Variants in B3GALT1 observed in about 807,000 individuals in gnomAD.
The protein encoded by B3GALT1 is UDP-Gal:betaGlcNAc beta 1,3-galactosyltransferase, polypeptide 1.
Under a neutral mutation model 23.2 loss-of-function variants are expected in B3GALT1, and 10 were observed. That is an observed-to-expected ratio of 0.43 (90% CI 0.27 to 0.73). The LOEUF (loss-of-function observed/expected upper bound fraction) is 0.73, where lower values mean the gene tolerates loss of function less well. B3GALT1 is among the 30% of genes least tolerant of loss of function. B3GALT1 has a pLI of 0.21. For synonymous variants in B3GALT1, 156 were observed against 141.5 expected (o/e 1.10, Z -0.73); for missense variants, 299 against 405.4 (o/e 0.74, Z 2.25).
At chr2:167,404,955 T>C (rs1698250329) in intron 1 of B3GALT1, among the ~76,000 whole-genome samples, 1 of 152,212 alleles carries the variant, frequency 6.6e-6, no homozygotes, top group Non-Finnish European at 1.5e-5. Context: ...CTCATTTTGC[T>C]GTTACGAGCA....
chr2:167,636,790 A>G (rs1379163917), intron 2 of B3GALT1, among the ~76,000 whole-genome samples: 1 of 152,076 alleles, frequency 6.6e-6, no homozygotes, highest in Non-Finnish European at 1.5e-5. Context: ...AACAATGAGA[A>G]CACATGGACA....
chr2:167,648,895 C>T (rs977412300), intron 3 of B3GALT1, among the ~76,000 whole-genome samples: 2 of 152,066 alleles, frequency 1.3e-5, no homozygotes, highest in African/African-American at 2.4e-5. Flanking sequence ...TCCATTAACC[C>T]ACTTCCATGC....
At chr2:167,431,927 C>A (rs769139937) in intron 1 of B3GALT1, among the ~76,000 whole-genome samples, 5 of 150,716 alleles carry the variant, frequency 3.3e-5, no homozygotes, top group Admixed American at 6.6e-5. Context: ...AGCCTCAAAA[C>A]TACCACTAAT....
chr2:167,331,749 G>A (rs905386069), intron 1 of B3GALT1, among the ~76,000 whole-genome samples: 1 of 152,156 alleles, frequency 6.6e-6, no homozygotes, highest in African/African-American at 2.4e-5. Context: ...GATTTGCAGG[G>A]ATGGGGTGAG....
chr2:167,765,185 A>G (rs1323414116), intron 3 of B3GALT1, among the ~76,000 whole-genome samples: 1 of 152,154 alleles, frequency 6.6e-6, no homozygotes, highest in Non-Finnish European at 1.5e-5. Context: ...ACTGCCTGAG[A>G]CCGGACTGCC....
chr2:167,536,535 T>C (rs1323803468), intron 2 of B3GALT1, among the ~76,000 whole-genome samples: 1 of 152,214 alleles, frequency 6.6e-6, no homozygotes, highest in Non-Finnish European at 1.5e-5. Flanking sequence ...CTGTAACTTC[T>C]TTCAATCTGT....
chr2:167,687,627 T>C (rs1459305761), intron 3 of B3GALT1, among the ~76,000 whole-genome samples: 1 of 151,990 alleles, frequency 6.6e-6, no homozygotes, highest in African/African-American at 2.4e-5. Flanking sequence ...ATATTAAAAA[T>C]AAAGAACATG....
intron 1 of B3GALT1, among the ~76,000 whole-genome samples, chr2:167,336,116 T>C (rs1697054350): frequency 6.6e-6 from 1 of 152,216 alleles, no homozygotes; most frequent in Admixed American, 6.5e-5. Flanking sequence ...GTGGTGGGGA[T>C]TCCAGAGGGA....
intron 1 of B3GALT1, among the ~76,000 whole-genome samples, chr2:167,294,856 C>G (rs996540066): frequency 6.6e-6 from 1 of 152,114 alleles, no homozygotes; most frequent in Non-Finnish European, 1.5e-5. Context: ...TGTCCCAAAA[C>G]AAAACAAATC....
chr2:167,720,206 G>A (rs866110142), intron 3 of B3GALT1, among the ~76,000 whole-genome samples: 23 of 152,240 alleles, frequency 1.5e-4, no homozygotes, highest in African/African-American at 4.8e-4. Context: ...CATTTTCTAC[G>A]TAGGAATTGG....
At chr2:167,860,636 A>C (rs1252308344) in intron 4 of B3GALT1, among the ~76,000 whole-genome samples, 1 of 152,152 alleles carries the variant, frequency 6.6e-6, no homozygotes, top group Admixed American at 6.5e-5. Flanking sequence ...ATAGTATAAG[A>C]TGTAGTAGTA....
chr2:167,296,587 C>T (rs1026318072), intron 1 of B3GALT1, among the ~76,000 whole-genome samples: 3 of 152,110 alleles, frequency 2.0e-5, no homozygotes, highest in Non-Finnish European at 4.4e-5. Flanking sequence ...CTAATCTATT[C>T]TGAATGATGA....
intron 2 of B3GALT1, among the ~76,000 whole-genome samples, chr2:167,614,780 CAT>C (rs2105434649): frequency 6.6e-6 from 1 of 151,972 alleles, no homozygotes; most frequent in Admixed American, 6.6e-5. Flanking sequence ...ATGTGATAAA[CAT>C]ATTTCAAATA....
In B3GALT1 at chr2:167,869,243, C is replaced by T. The variant is rs376666492; in HGVS notation, c.204C>T (p.Asn68=). 81 of 1,614,054 alleles carry T rather than the reference C, an allele frequency of 5.0e-5. No individual in the cohort carries two copies. The highest frequency in any genetic ancestry group is 6.3e-5 in the Non-Finnish European group (74 of 1,180,032). The change falls in exon 5 of 5, where the codon AAC becomes AAT. Residue 68 remains asparagine (N), a synonymous_variant. Coordinates refer to ENST00000392690, the MANE Select transcript of B3GALT1 (RefSeq NM_020981.4). This position sits in a 1 kb window ranked among gnomAD's most constrained non-coding sequence, Gnocchi z 6.4. The part of the protein sequence containing the change: ...INPHSFEFLI[N]EPNKCEKNIP... The stretch of plus-strand genomic sequence containing the variant: ...CACATTCTTTTGAATTTCTTATCAA[C>T]GAGCCCAATAAATGTGAGAAAAACA...
At chr2:167,787,170 G>T (rs1688355536) in intron 3 of B3GALT1, among the ~76,000 whole-genome samples, 1 of 152,178 alleles carries the variant, frequency 6.6e-6, no homozygotes, top group Non-Finnish European at 1.5e-5. Context: ...TTTGGAGCCA[G>T]CATGGGGTGA....
intron 3 of B3GALT1, among the ~76,000 whole-genome samples, chr2:167,726,535 ATCC>A (rs1687318704): frequency 6.6e-6 from 1 of 152,186 alleles, no homozygotes; most frequent in Admixed American, 6.5e-5. Context: ...GAATGTGACA[ATCC>A]TCCTATTTGG....
intron 1 of B3GALT1, among the ~76,000 whole-genome samples, chr2:167,333,806 A>G (rs1310300474): frequency 6.6e-6 from 1 of 152,186 alleles, no homozygotes; most frequent in East Asian, 1.9e-4. Flanking sequence ...GATTAGCCCA[A>G]ACTATGGTGA....
chr2:167,336,798 T>C (rs1209262290), intron 1 of B3GALT1, among the ~76,000 whole-genome samples: 1 of 152,190 alleles, frequency 6.6e-6, no homozygotes, highest in Admixed American at 6.5e-5. Flanking sequence ...GTAGTTGGCC[T>C]ATAATAACTT....
At chr2:167,356,031 C>G (rs1380264136) in intron 1 of B3GALT1, among the ~76,000 whole-genome samples, 2 of 152,142 alleles carry the variant, frequency 1.3e-5, no homozygotes, top group African/African-American at 4.8e-5. Context: ...CTGAGCATAT[C>G]AAGTTCTTCA....
Sources: gnomAD v4.1 joint callset for allele counts (sites outside exome capture counted in the v4.1 genomes callset) on GRCh38, gnomAD v4.1.1 for gene constraint, Gnocchi (gnomAD v3.1) non-coding constraint, MANE v1.5 for transcripts, NCBI Gene and HGNC (gene_info 2026-07-23, HGNC 2026-07-21) for gene names.